Variants in NKAIN3 observed in about 807,000 individuals in gnomAD.
NKAIN3 encodes the protein sodium/potassium-transporting ATPase subunit beta-1-interacting protein 3.
In NKAIN3, 25 loss-of-function variants were observed where a neutral mutation model predicts 30.2. The observed-to-expected ratio is 0.83, with a 90% CI of 0.60 to 1.16. NKAIN3 has a LOEUF of 1.16. Among genes scored for constraint, NKAIN3 ranks in the 50% most tolerant of loss-of-function variants. The pLI is 0.00. For missense variants in NKAIN3, 225 were observed against 254.1 expected (o/e 0.89, Z 0.78); for synonymous variants, 91 against 89.6 (o/e 1.02, Z -0.09).
intron 1 of NKAIN3, among the ~76,000 whole-genome samples, chr8:62,476,067 T>C (rs1806508971): frequency 6.6e-6 from 1 of 152,208 alleles, no homozygotes; most frequent in Non-Finnish European, 1.5e-5. Context: ...TGTCAGTAAT[T>C]ACTATCATCA....
chr8:62,763,827 G>A (rs4737613), intron 4 of NKAIN3, among the ~76,000 whole-genome samples: 29,593 of 152,170 alleles, frequency 0.19, 3,288 homozygotes, highest in East Asian at 0.29. Context: ...GCTTCTGGCC[G>A]ATTTCAGTCA....
chr8:62,449,999 A>C (rs2129598795), intron 1 of NKAIN3, among the ~76,000 whole-genome samples: 1 of 152,314 alleles, frequency 6.6e-6, no homozygotes, highest in South Asian at 2.1e-4. Flanking sequence ...ATAATATTGC[A>C]GTCTTTAGTT....
chr8:62,729,254 A>G (rs144092138), intron 3 of NKAIN3, among the ~76,000 whole-genome samples: 2 of 152,246 alleles, frequency 1.3e-5, no homozygotes, highest in Non-Finnish European at 2.9e-5. Context: ...TAGATGGAAA[A>G]AAGCACATGA....
chr8:62,396,813 A>G (rs1365392778), intron 1 of NKAIN3, among the ~76,000 whole-genome samples: 1 of 152,074 alleles, frequency 6.6e-6, no homozygotes, highest in Non-Finnish European at 1.5e-5. Context: ...GAAGCTTCTT[A>G]TTGCGGCTTT....
chr8:62,953,797 G>A, intron 5 of NKAIN3, 105 bp from the exon 6 acceptor site: 1 of 198,292 alleles, frequency 5.0e-6, no homozygotes, highest in Non-Finnish European at 9.1e-6. Context: ...ATTTTATGGT[G>A]AACGGATATT....
chr8:62,795,504 T>G (rs1463670789), intron 4 of NKAIN3, among the ~76,000 whole-genome samples: 1 of 152,092 alleles, frequency 6.6e-6, no homozygotes, highest in Non-Finnish European at 1.5e-5. Context: ...AATCAAGCAG[T>G]CTTAAGTTTA....
At chr8:62,674,118 A>G (rs559765441) in intron 3 of NKAIN3, among the ~76,000 whole-genome samples, 25 of 152,278 alleles carry the variant, frequency 1.6e-4, no homozygotes, top group Admixed American at 7.2e-4. Context: ...AATAATGTCC[A>G]CCCTTCTTAG....
intron 1 of NKAIN3, among the ~76,000 whole-genome samples, chr8:62,422,249 T>C (rs1804663663): frequency 1.3e-5 from 2 of 152,124 alleles, no homozygotes; most frequent in African/African-American, 2.4e-5. Flanking sequence ...AGGCCTATTA[T>C]GGTGAGAATT....
intron 2 of NKAIN3, among the ~76,000 whole-genome samples, chr8:62,580,973 G>A (rs1277932615): frequency 6.0e-5 from 9 of 148,850 alleles, no homozygotes; most frequent in Non-Finnish European, 1.5e-5. Flanking sequence ...CAGACATTGG[G>A]GGGCCTGTGG....
chr8:62,862,359 CAT>C (rs1211347750), intron 4 of NKAIN3, among the ~76,000 whole-genome samples: 3 of 151,302 alleles, frequency 2.0e-5, no homozygotes, highest in Non-Finnish European at 4.4e-5. Flanking sequence ...TTCAATATCA[CAT>C]AGAAAATCAT....
At chr8:62,567,643 G>T (rs2130004081) in intron 1 of NKAIN3, among the ~76,000 whole-genome samples, 1 of 152,138 alleles carries the variant, frequency 6.6e-6, no homozygotes, top group Non-Finnish European at 1.5e-5. Context: ...ACTGTGGCTG[G>T]CTTTGAAGAT....
chr8:62,486,782 G>C (rs138829675), intron 1 of NKAIN3, among the ~76,000 whole-genome samples: 1 of 152,140 alleles, frequency 6.6e-6, no homozygotes, highest in Non-Finnish European at 1.5e-5. Flanking sequence ...TCAGTAAATG[G>C]CAACTGGCAA....
intron 1 of NKAIN3, among the ~76,000 whole-genome samples, chr8:62,536,273 A>C (rs1385419848): frequency 6.6e-6 from 1 of 152,204 alleles, no homozygotes; most frequent in Non-Finnish European, 1.5e-5. Context: ...CAATGCGGGC[A>C]AGCTCCAAGA....
intron 1 of NKAIN3, among the ~76,000 whole-genome samples, chr8:62,275,976 G>A (rs1415996069): frequency 6.6e-6 from 1 of 152,106 alleles, no homozygotes; most frequent in Non-Finnish European, 1.5e-5. Context: ...ATACCCAAAA[G>A]GTTGGAAATG....
intron 4 of NKAIN3, among the ~76,000 whole-genome samples, chr8:62,905,029 T>C (rs1333482421): frequency 6.6e-6 from 1 of 151,934 alleles, no homozygotes; most frequent in African/African-American, 2.4e-5. Context: ...AGATAACGAA[T>C]GGACACAATG....
intron 4 of NKAIN3, among the ~76,000 whole-genome samples, chr8:62,842,318 CTT>C (rs975832927): frequency 2.0e-4 from 30 of 151,974 alleles, no homozygotes; most frequent in Admixed American, 3.3e-4. Flanking sequence ...AGGTAAAAGA[CTT>C]ATATACTGAA....
chr8:62,770,714 T>C (rs544294352), intron 4 of NKAIN3, among the ~76,000 whole-genome samples: 1 of 151,742 alleles, frequency 6.6e-6, no homozygotes, highest in South Asian at 2.1e-4. Flanking sequence ...GACTGACCAC[T>C]AAGTTATGCA....
At chr8:62,303,563 T>C (rs1814126165) in intron 1 of NKAIN3, among the ~76,000 whole-genome samples, 1 of 150,574 alleles carries the variant, frequency 6.6e-6, no homozygotes, top group African/African-American at 2.5e-5. Context: ...AGCTATGAGA[T>C]CTTATACTTG....
At chr8:62,612,576 T>C (rs1215279361) in intron 3 of NKAIN3, among the ~76,000 whole-genome samples, 1 of 151,962 alleles carries the variant, frequency 6.6e-6, no homozygotes, top group Non-Finnish European at 1.5e-5. Context: ...CCATGTCTTT[T>C]GATTAAAGAG....
Sources: allele counts gnomAD v4.1 joint callset (sites outside exome capture counted in the v4.1 genomes callset), GRCh38; gene constraint gnomAD v4.1.1; transcripts MANE v1.5; gene names NCBI Gene and HGNC (gene_info 2026-07-23, HGNC 2026-07-21).